The following NRXN3 variants were observed in gnomAD, a reference collection of about 807,000 sequenced individuals.
NRXN3 encodes neurexin III.
NRXN3 carries 32 observed loss-of-function variants against 137.6 expected under a neutral mutation model. The ratio of observed to expected loss-of-function variants is 0.23; its 90% CI spans 0.18 to 0.31. The LOEUF is 0.31. NRXN3 is among the 10% of genes least tolerant of loss of function. The pLI is 1.00. For missense variants in NRXN3, 1,574 were observed against 2,062.5 expected, an observed-to-expected ratio of 0.76 and a Z score of 4.59; for synonymous variants, 798 against 784.5, an observed-to-expected ratio of 1.02 and a Z score of -0.29.
At chr14:79,426,903 G>C (rs1275456429) in intron 15 of NRXN3, among the ~76,000 whole-genome samples, 1 of 151,952 alleles carries the variant, frequency 6.6e-6, no homozygotes, top group Non-Finnish European at 1.5e-5. Flanking sequence ...TTCTCCCCTG[G>C]GTGTTTTATT....
chr14:78,910,555 C>T (rs961255485), intron 10 of NRXN3, among the ~76,000 whole-genome samples: 1 of 152,128 alleles, frequency 6.6e-6, no homozygotes, highest in East Asian at 1.9e-4. Flanking sequence ...GGGCTGGCAA[C>T]CTCTAATCTT....
intron 19 of NRXN3, among the ~76,000 whole-genome samples, chr14:79,741,691 G>C (rs1329328828): frequency 2.0e-5 from 3 of 151,706 alleles, no homozygotes; most frequent in Non-Finnish European, 4.4e-5. Context: ...TTGCTATGTT[G>C]GCCAGGCTGG....
At chr14:79,602,736 CTT>C (rs34865213) in intron 16 of NRXN3, among the ~76,000 whole-genome samples, 1 of 146,688 alleles carries the variant, frequency 6.8e-6, no homozygotes, top group Non-Finnish European at 1.5e-5. Flanking sequence ...TAGAGAGGAG[CTT>C]TTTTTTTTTT....
intron 15 of NRXN3, among the ~76,000 whole-genome samples, chr14:79,407,345 T>C (rs1236994303): frequency 6.6e-6 from 1 of 152,112 alleles, no homozygotes; most frequent in African/African-American, 2.4e-5. Flanking sequence ...TTTCTACTCC[T>C]CCCTTATAAA....
intron 15 of NRXN3, among the ~76,000 whole-genome samples, chr14:79,444,356 A>G (rs2096019852): frequency 6.6e-6 from 1 of 152,192 alleles, no homozygotes; most frequent in South Asian, 2.1e-4. Context: ...CTGGGTGGAA[A>G]AAAGCTTTTC....
At chr14:79,231,683 C>T (rs541618953) in intron 15 of NRXN3, among the ~76,000 whole-genome samples, 27 of 152,250 alleles carry the variant, frequency 1.8e-4, no homozygotes, top group Non-Finnish European at 2.9e-4. Context: ...GACTTCTCTG[C>T]TAATTTAGCA....
At chr14:78,427,703 A>G (rs2093716725) in intron 4 of NRXN3, among the ~76,000 whole-genome samples, 1 of 152,226 alleles carries the variant, frequency 6.6e-6, no homozygotes, top group African/African-American at 2.4e-5. Context: ...ACTAAGTGGG[A>G]CAGAGTCTCC....
chr14:79,101,285 A>G (rs1053679814), intron 15 of NRXN3, among the ~76,000 whole-genome samples: 1 of 152,204 alleles, frequency 6.6e-6, no homozygotes, highest in Non-Finnish European at 1.5e-5. Context: ...TGAAATTGTC[A>G]CACCATTTAT....
intron 15 of NRXN3, among the ~76,000 whole-genome samples, chr14:79,179,796 A>G (rs1333237280): frequency 6.6e-6 from 1 of 152,178 alleles, no homozygotes; most frequent in Admixed American, 6.5e-5. Flanking sequence ...TTGTGAATAT[A>G]TACTTAGTTT....
At chr14:78,862,821 A>G (rs930689338) in intron 10 of NRXN3, among the ~76,000 whole-genome samples, 3 of 152,182 alleles carry the variant, frequency 2.0e-5, no homozygotes, top group Admixed American at 6.6e-5. Flanking sequence ...ATAAAGTGGA[A>G]TTTCAGATGA....
chr14:78,620,075 T>G (rs1460250255), intron 4 of NRXN3, among the ~76,000 whole-genome samples: 1 of 152,194 alleles, frequency 6.6e-6, no homozygotes, highest in African/African-American at 2.4e-5. Flanking sequence ...CCAAACTGGC[T>G]AAGATACTGT....
intron 16 of NRXN3, 33 bp downstream of exon 16, chr14:79,467,435 T>C (rs752303700): frequency 6.5e-7 from 1 of 1,544,858 alleles, no homozygotes; most frequent in Non-Finnish European, 8.8e-7. Flanking sequence ...GATTTTCTTA[T>C]GTTACTGGTG....
intron 15 of NRXN3, among the ~76,000 whole-genome samples, chr14:79,338,842 G>T (rs1387066190): frequency 6.6e-6 from 1 of 152,058 alleles, no homozygotes; most frequent in Non-Finnish European, 1.5e-5. Flanking sequence ...AACTATTTTT[G>T]TGTTTGTTTG....
At chr14:79,265,759 G>A (rs1026183600) in intron 15 of NRXN3, among the ~76,000 whole-genome samples, 4 of 152,020 alleles carry the variant, frequency 2.6e-5, no homozygotes, top group East Asian at 1.9e-4. Flanking sequence ...TCACTCCCAC[G>A]CAACACTCCC....
intron 4 of NRXN3, among the ~76,000 whole-genome samples, chr14:78,353,714 G>A (rs1318263366): frequency 2.6e-5 from 4 of 152,194 alleles, no homozygotes; most frequent in Admixed American, 2.6e-4. Flanking sequence ...TTGGGACTAA[G>A]GGAGAGACAG....
At chr14:79,330,143 T>G (rs962335284) in intron 15 of NRXN3, among the ~76,000 whole-genome samples, 8 of 152,012 alleles carry the variant, frequency 5.3e-5, no homozygotes, top group Non-Finnish European at 7.4e-5. Flanking sequence ...CAAAAGAGAT[T>G]TTTAGTGAAT....
chr14:78,413,565 A>G (rs1175358206), intron 4 of NRXN3, among the ~76,000 whole-genome samples: 3 of 152,192 alleles, frequency 2.0e-5, no homozygotes, highest in African/African-American at 7.2e-5. Context: ...TACAGGCATG[A>G]GCCACCGCAC....
intron 4 of NRXN3, among the ~76,000 whole-genome samples, chr14:78,565,892 T>C (rs2096831848): frequency 6.6e-6 from 1 of 152,142 alleles, no homozygotes; most frequent in African/African-American, 2.4e-5. Context: ...ATCTGAAAGG[T>C]TGGCAGCAAC....
At chr14:78,805,019 C>A (rs1026947980) in intron 9 of NRXN3, among the ~76,000 whole-genome samples, 1 of 152,112 alleles carries the variant, frequency 6.6e-6, no homozygotes, top group Non-Finnish European at 1.5e-5. Context: ...CCCACATGTC[C>A]TGGTGGGAAG....
Sources: allele counts gnomAD v4.1 joint callset (sites outside exome capture counted in the v4.1 genomes callset), GRCh38; gene constraint gnomAD v4.1.1; transcripts MANE v1.5; gene names NCBI Gene and HGNC (gene_info 2026-07-23, HGNC 2026-07-21).